The following ARMC3 variants were observed in gnomAD, a reference collection of about 807,000 sequenced individuals.
ARMC3 encodes armadillo repeat containing 3.
In ARMC3, 74 loss-of-function variants were observed where a neutral mutation model predicts 90.3. The observed-to-expected ratio is 0.82, with a 90% CI of 0.68 to 0.99. ARMC3 has a LOEUF of 0.99. ARMC3 is among the 50% of genes least tolerant of loss of function. The probability of loss-of-function intolerance (pLI) is 0.00; values close to 1 mark genes in which losing one functional copy is unlikely to be tolerated. For synonymous variants in ARMC3, 334 were observed against 361.8 expected, an observed-to-expected ratio of 0.92 and a Z score of 0.87; for missense variants, 958 against 1,042.8, an observed-to-expected ratio of 0.92 and a Z score of 1.12.
intron 16 of ARMC3, among the ~76,000 whole-genome samples, chr10:23,016,803 T>G (rs1474967270): frequency 6.6e-6 from 1 of 152,230 alleles, no homozygotes; most frequent in Admixed American, 6.5e-5. Context: ...TTCTCCTTCA[T>G]GCCAAATGAC....
intron 10 of ARMC3, among the ~76,000 whole-genome samples, chr10:22,993,820 C>T (rs941056014): frequency 3.9e-5 from 6 of 152,064 alleles, no homozygotes; most frequent in African/African-American, 9.7e-5. Context: ...GTGTTTGGGA[C>T]AAAGGGACCA....
intron 8 of ARMC3, 59 bp downstream of exon 8, chr10:22,968,548 G>A (rs777848806): frequency 3.8e-5 from 55 of 1,434,266 alleles, no homozygotes; most frequent in Non-Finnish European, 4.9e-5. Flanking sequence ...TTCTCAGGCT[G>A]GAGTGCTGTG....
chr10:22,966,583 T>C lies in ARMC3; in HGVS notation c.733-1723T>C, dbSNP rs191768441. On this transcript the variant is annotated intron_variant, in intron 7 of 18. Coordinates refer to ENST00000298032, the MANE Select transcript of ARMC3 (RefSeq NM_173081.5). Reference sequence around the variant, plus strand: ...CAACAGGATGCATGTATATTGTACATGTGCATGTGTATATGGGTGTATTAG... The same window carrying C: ...CAACAGGATGCATGTATATTGTACACGTGCATGTGTATATGGGTGTATTAG... 3.3e-5 allele frequency among the ~76,000 whole-genome samples: 5 copies of C among 152,358 alleles called. No individual in the cohort carries two copies. In the East Asian group the frequency reaches 9.6e-4, roughly 29 times the overall value.
chr10:23,030,266 C>G (rs1838867843), intron 16 of ARMC3, among the ~76,000 whole-genome samples: 2 of 152,028 alleles, frequency 1.3e-5, no homozygotes, highest in Admixed American at 1.3e-4. Context: ...CTATAGATAC[C>G]AAAATCCATG....
chr10:22,947,814 CAT>C (rs1834594633), intron 3 of ARMC3, among the ~76,000 whole-genome samples: 1 of 152,172 alleles, frequency 6.6e-6, no homozygotes, highest in African/African-American at 2.4e-5. Flanking sequence ...TGTTGTAAAA[CAT>C]AAAACATTTA....
chr10:22,963,722 T>A lies in ARMC3; in HGVS notation c.732+1644T>A, dbSNP rs189326434. Among the ~76,000 whole-genome samples, 113 of 151,352 alleles carry A rather than the reference T, an allele frequency of 7.5e-4. 2 individuals are homozygous for A. The highest frequency in any genetic ancestry group is 1.9e-4 in the Non-Finnish European group (13 of 67,800). ...TTGCCCAACATGGTGAAACCCCGTC[T>A]CTACTAAAAATACAAAAATTAGCTG... On this transcript the variant is annotated intron_variant, in intron 7 of 18. Transcript: ENST00000298032.
chr10:23,004,955 G>T (rs1837506821), intron 13 of ARMC3, among the ~76,000 whole-genome samples: 1 of 151,748 alleles, frequency 6.6e-6, no homozygotes, highest in Admixed American at 6.6e-5. Context: ...GGTGGCTCAC[G>T]CCTGTAATCC....
intron 16 of ARMC3, among the ~76,000 whole-genome samples, chr10:23,029,415 T>C (rs1036727820): frequency 1.3e-5 from 2 of 152,204 alleles, no homozygotes; most frequent in African/African-American, 2.4e-5. Flanking sequence ...TGTGACTGTA[T>C]TCAATGGGAC....
chr10:23,024,187 T>C (rs1838620541), intron 16 of ARMC3, among the ~76,000 whole-genome samples: 1 of 152,152 alleles, frequency 6.6e-6, no homozygotes, highest in Non-Finnish European at 1.5e-5. Flanking sequence ...TTTCAAGTGC[T>C]GAAAGAAAAG....
At chr10:22,952,787 G>T (rs1730501779) in intron 3 of ARMC3, among the ~76,000 whole-genome samples, 1 of 152,112 alleles carries the variant, frequency 6.6e-6, no homozygotes, top group Admixed American at 6.5e-5. Context: ...ACAAAAGTTA[G>T]CAAATTAAAT....
At chr10:22,992,220 G>A (rs965409377) in intron 10 of ARMC3, among the ~76,000 whole-genome samples, 6 of 152,132 alleles carry the variant, frequency 3.9e-5, no homozygotes, top group Non-Finnish European at 7.4e-5. Flanking sequence ...CCTCAAAATC[G>A]GTAGCAAAAA....
intron 16 of ARMC3, among the ~76,000 whole-genome samples, chr10:23,018,111 T>C (rs907266979): frequency 7.2e-5 from 11 of 152,190 alleles, no homozygotes; most frequent in Non-Finnish European, 1.6e-4. Context: ...ACTGGTAAAA[T>C]GGAAAGGAAC....
Position 23,037,643 on chromosome 10 carries a change from G to A in ARMC3, c.*164G>A, listed in dbSNP as rs911167889. The A allele has an allele frequency of 2.4e-5, 16 of 674,438 alleles. No individual in the cohort carries two copies. In the African/African-American group the frequency reaches 2.7e-4, roughly 11 times the overall value. 41.8% of individuals were successfully genotyped at this position (674,438 alleles called of 1,614,324 possible). A position where few individuals can be genotyped will look rare whatever the true frequency, so the allele number is the denominator to read the frequency against. Reference sequence around the variant, plus strand: ...TAGGAAGCTTGGAGTGAACTTTGCTGTGCTTCTGATTTCAGGCTTTTGGCA... The same window carrying A: ...TAGGAAGCTTGGAGTGAACTTTGCTATGCTTCTGATTTCAGGCTTTTGGCA... On this transcript the variant is annotated 3_prime_UTR_variant, in exon 19 of 19. Coordinates refer to ENST00000298032, the MANE Select transcript of ARMC3 (RefSeq NM_173081.5).
chr10:22,994,701 C>T (rs1466443457), intron 10 of ARMC3, among the ~76,000 whole-genome samples: 1 of 152,020 alleles, frequency 6.6e-6, no homozygotes, highest in African/African-American at 2.4e-5. Flanking sequence ...TGAGGAGAGA[C>T]CTCTTAGGAG....
intron 16 of ARMC3, among the ~76,000 whole-genome samples, chr10:23,026,913 A>T (rs1307035736): frequency 6.6e-6 from 1 of 152,160 alleles, no homozygotes; most frequent in African/African-American, 2.4e-5. Context: ...CTTTGTCAAA[A>T]ATCAGTGGAG....
intron 16 of ARMC3, among the ~76,000 whole-genome samples, chr10:23,025,799 A>G (rs916669496): frequency 1.3e-5 from 2 of 152,132 alleles, no homozygotes; most frequent in African/African-American, 4.8e-5. Flanking sequence ...TGAAATAAAA[A>G]TCTGTTTCTT....
At chr10:22,992,236 A>G (rs1836740872) in intron 10 of ARMC3, among the ~76,000 whole-genome samples, 1 of 152,222 alleles carries the variant, frequency 6.6e-6, no homozygotes, top group Non-Finnish European at 1.5e-5. Context: ...AAAAACATGC[A>G]TGCTCTTTGT....
chr10:22,983,036 T>G lies in ARMC3; in HGVS notation c.1175+1336T>G, dbSNP rs546097395. On this transcript the variant is annotated intron_variant, in intron 10 of 18. Transcript: ENST00000298032. ...AAATTAAGGGTCATCATTATCTCTA[T>G]GAAAGCATGCAAATTTCTGGAATAT... 3.3e-5 allele frequency among the ~76,000 whole-genome samples: 5 copies of G among 152,358 alleles called. No homozygotes were observed. The South Asian group carries it at 1.0e-3, about 32-fold the overall frequency.
At chr10:23,008,649 T>C (rs1008292854) in intron 15 of ARMC3, among the ~76,000 whole-genome samples, 166 bp from the exon 16 acceptor site, 1 of 152,190 alleles carries the variant, frequency 6.6e-6, no homozygotes, top group Non-Finnish European at 1.5e-5. Flanking sequence ...GTGGACGAAA[T>C]AACACCGGGT....
Sources: allele counts gnomAD v4.1 joint callset (sites outside exome capture counted in the v4.1 genomes callset), GRCh38; gene constraint gnomAD v4.1.1; transcripts MANE v1.5; gene names NCBI Gene and HGNC (gene_info 2026-07-23, HGNC 2026-07-21).